C2CD5: variants seen among roughly 807,000 people sequenced by gnomAD.
The protein encoded by C2CD5 is C2 calcium dependent domain containing 5, also known as C2 domain-containing protein 5.
C2CD5 carries 109 observed loss-of-function variants against 130.3 expected under a neutral mutation model. The ratio of observed to expected loss-of-function variants is 0.84; its 90% CI spans 0.72 to 0.98. C2CD5 has a LOEUF of 0.98. C2CD5 is among the 50% of genes least tolerant of loss of function. The pLI, the probability that C2CD5 is intolerant of heterozygous loss-of-function variation, is 0.00. For missense variants in C2CD5, 996 were observed against 1,261.8 expected (o/e 0.79, Z 3.19); for synonymous variants, 454 against 429.2 (o/e 1.06, Z -0.71).
At chr12:22,530,604 C>G (rs1043381183) in intron 3 of C2CD5, among the ~76,000 whole-genome samples, 1 of 151,778 alleles carries the variant, frequency 6.6e-6, no homozygotes, top group Admixed American at 6.6e-5. Flanking sequence ...ATTACAGGTT[C>G]ACACCACCAC....
intron 26 of C2CD5, among the ~76,000 whole-genome samples, chr12:22,451,360 T>A (rs915403663): frequency 1.8e-4 from 27 of 152,194 alleles, no homozygotes; most frequent in African/African-American, 6.5e-4. Flanking sequence ...ACCATATTTT[T>A]AATATTTTAT....
intron 10 of C2CD5, among the ~76,000 whole-genome samples, chr12:22,501,325 A>G (rs930672208): frequency 6.6e-6 from 1 of 152,150 alleles, no homozygotes; most frequent in Non-Finnish European, 1.5e-5. Context: ...TACGTGGGAC[A>G]ACGTCCTTAC....
chr12:22,467,161 T>C (rs193153055), intron 22 of C2CD5, among the ~76,000 whole-genome samples: 2 of 152,148 alleles, frequency 1.3e-5, no homozygotes, highest in Admixed American at 1.3e-4. Context: ...TAAAAGTTAT[T>C]TGAAATCATT....
chr12:22,523,308 T>C (rs112782902), intron 7 of C2CD5, 118 bp downstream of exon 7: 4 of 711,376 alleles, frequency 5.6e-6, no homozygotes, highest in African/African-American at 3.6e-5. Context: ...TCATCACCAA[T>C]AAAAATCATC....
chr12:22,451,090 T>TAA (rs889965146), intron 26 of C2CD5, among the ~76,000 whole-genome samples: 32 of 144,288 alleles, frequency 2.2e-4, no homozygotes, highest in African/African-American at 7.3e-4. Context: ...GAAGTTACCA[T>TAA]AAAAAAAAAA....
chr12:22,498,221 C>T (rs914372904), intron 10 of C2CD5, among the ~76,000 whole-genome samples: 9 of 152,060 alleles, frequency 5.9e-5, no homozygotes, highest in Non-Finnish European at 5.9e-5. Flanking sequence ...AACTAATACA[C>T]ACATATGCAC....
chr12:22,536,130 G>A (rs1951793684), intron 2 of C2CD5, among the ~76,000 whole-genome samples: 1 of 146,804 alleles, frequency 6.8e-6, no homozygotes, highest in Non-Finnish European at 1.5e-5. Flanking sequence ...CAGATATATG[G>A]CATTCTTCAG....
At chr12:22,535,762 A>G (rs145580161) in intron 2 of C2CD5, among the ~76,000 whole-genome samples, 1 of 152,320 alleles carries the variant, frequency 6.6e-6, no homozygotes, top group Non-Finnish European at 1.5e-5. Flanking sequence ...AAATATTTTT[A>G]CTTATCAGGC....
At chr12:22,515,623 TTGAA>T (rs1422459154) in intron 8 of C2CD5, among the ~76,000 whole-genome samples, 1 of 152,110 alleles carries the variant, frequency 6.6e-6, no homozygotes, top group African/African-American at 2.4e-5. Context: ...GGCACTTTAA[TTGAA>T]TATCCATAAA....
rs1475865992 is a variant in C2CD5 at position 22,449,833 on chromosome 12, AAGTC to A, written c.3079_3082del (p.Asp1027Ter). On this transcript the variant is annotated frameshift_variant, in exon 27 of 27. Coordinates refer to ENST00000446597, the MANE Select transcript of C2CD5 (RefSeq NM_001286176.2). LOFTEE classifies it high-confidence loss of function. The stretch of plus-strand genomic sequence containing the variant: ...AGGTTGCTGAGATGACACCACTTCT[AAGTC>A]AGATTCACGAACAAAAACCACTGCA... 2 of 1,611,412 alleles carry A rather than the reference AAGTC, an allele frequency of 1.2e-6. No homozygotes were observed. The highest frequency in any genetic ancestry group is 2.2e-5 in the East Asian group (1 of 44,854).
At chr12:22,487,529 G>A (rs1184547527) in intron 12 of C2CD5, among the ~76,000 whole-genome samples, 1 of 152,256 alleles carries the variant, frequency 6.6e-6, no homozygotes, top group East Asian at 1.9e-4. Context: ...TTAGAATGGT[G>A]ATCATTAAAA....
intron 9 of C2CD5, among the ~76,000 whole-genome samples, chr12:22,510,194 GA>G (rs1247059779): frequency 2.0e-5 from 3 of 151,220 alleles, no homozygotes; most frequent in African/African-American, 7.3e-5. Context: ...AAGAAGAACA[GA>G]ACTTCATCTC....
In C2CD5 at chr12:22,493,216, C is replaced by A. The variant is rs763406505; in HGVS notation, c.1262+7G>T. On this transcript the variant is annotated splice_region_variant and intron_variant, in intron 11 of 26. Coordinates refer to ENST00000446597, the MANE Select transcript of C2CD5 (RefSeq NM_001286176.2). The stretch of plus-strand genomic sequence containing the variant: ...GTCTGGAAAATCAAGTTGTTATTAT[C>A]ATTTACCAGATGCTAGTTGATTCAC... 1 of 1,463,760 alleles carries A rather than the reference C, an allele frequency of 6.8e-7. No homozygotes were observed. Among genetic ancestry groups the A allele is most frequent in the Non-Finnish European group, 9.5e-7 (1 of 1,056,260 alleles). 90.7% of individuals were successfully genotyped at this position (1,463,760 alleles called of 1,614,324 possible). A position where few individuals can be genotyped will look rare whatever the true frequency, so the allele number is the denominator to read the frequency against.
At chr12:22,537,643 A>T (rs546496669) in intron 2 of C2CD5, among the ~76,000 whole-genome samples, 42 of 152,318 alleles carry the variant, frequency 2.8e-4, no homozygotes, top group African/African-American at 9.9e-4. Flanking sequence ...CATTAGCTAA[A>T]TTACCTTGAG....
chr12:22,495,426 A>G (rs566450906), intron 10 of C2CD5, among the ~76,000 whole-genome samples: 2 of 152,150 alleles, frequency 1.3e-5, no homozygotes, highest in African/African-American at 2.4e-5. Context: ...AAAGTATGTT[A>G]TAACAATTCC....
chr12:22,502,373 C>T (rs577264921), intron 10 of C2CD5, among the ~76,000 whole-genome samples: 26 of 152,132 alleles, frequency 1.7e-4, no homozygotes, highest in Non-Finnish European at 3.4e-4. Context: ...ATTTATGAAA[C>T]ATTACTTATA....
chr12:22,499,841 T>C (rs767605597), intron 10 of C2CD5, among the ~76,000 whole-genome samples: 6 of 152,190 alleles, frequency 3.9e-5, no homozygotes, highest in Non-Finnish European at 5.9e-5. Flanking sequence ...TAAGTAAAGG[T>C]AACATTTTAA....
intron 7 of C2CD5, chr12:22,519,143 A>G: frequency 6.5e-7 from 1 of 1,536,010 alleles, no homozygotes; most frequent in Non-Finnish European, 8.7e-7. Flanking sequence ...GAACAGACAC[A>G]GAGAAGTTCT....
At chr12:22,493,773 C>G (rs535755041) in intron 10 of C2CD5, among the ~76,000 whole-genome samples, 1 of 151,842 alleles carries the variant, frequency 6.6e-6, no homozygotes, top group East Asian at 1.9e-4. Flanking sequence ...TTATAACTCA[C>G]TATATTGTGG....
Sources: gnomAD v4.1 joint callset for allele counts (sites outside exome capture counted in the v4.1 genomes callset) on GRCh38, gnomAD v4.1.1 for gene constraint, MANE v1.5 for transcripts, NCBI Gene and HGNC (gene_info 2026-07-23, HGNC 2026-07-21) for gene names.